Variants in SLC29A3 observed in about 807,000 individuals in gnomAD.
SLC29A3 encodes the protein solute carrier family 29 member 3.
SLC29A3 carries 18 observed loss-of-function variants against 25.4 expected under a neutral mutation model. The ratio of observed to expected loss-of-function variants is 0.71; its 90% CI spans 0.49 to 1.05. The LOEUF (loss-of-function observed/expected upper bound fraction) is 1.05, where lower values mean the gene tolerates loss of function less well. Ranked by LOEUF, SLC29A3 falls within the 50% of genes least tolerant of loss-of-function variation. SLC29A3 has a pLI of 0.00. For missense variants in SLC29A3, 586 were observed against 609.0 expected, an observed-to-expected ratio of 0.96 and a Z score of 0.40; for synonymous variants, 258 against 267.1, an observed-to-expected ratio of 0.97 and a Z score of 0.33.
rs756459745 is a variant in SLC29A3 at position 71,351,808 on chromosome 10, C to T, written c.610+20C>T. The T allele has an allele frequency of 1.9e-6, 3 of 1,588,742 alleles. No individual in the cohort carries two copies. The East Asian group carries it at 6.8e-5, about 36-fold the overall frequency. ...TATCAGGTGAGAGCCAGGGTCCGGG[C>T]AGCTGACCAGGTTCATCCACCCAGG... On this transcript the variant is annotated intron_variant, in intron 4 of 5. Coordinates refer to ENST00000373189, the MANE Select transcript of SLC29A3 (RefSeq NM_018344.6).
downstream of SLC29A3, chr10:71,364,795 C>A (rs774898083): frequency 1.3e-5 from 2 of 152,244 alleles, no homozygotes; most frequent in Non-Finnish European, 2.9e-5. Context: ...AACTCGATAC[C>A]TACCAAAAAG....
intron 2 of SLC29A3, among the ~76,000 whole-genome samples, chr10:71,343,301 A>G (rs538378025): frequency 6.6e-6 from 1 of 152,188 alleles, no homozygotes; most frequent in Admixed American, 6.5e-5. Context: ...ATTAAGAGAT[A>G]ATGCACACAT....
chr10:71,323,991 G>A (rs1332884125), intron 2 of SLC29A3, among the ~76,000 whole-genome samples: 1 of 152,152 alleles, frequency 6.6e-6, no homozygotes, highest in East Asian at 1.9e-4. Flanking sequence ...CACTTTGCTG[G>A]GTGGCTTTTC....
At chr10:71,343,750 C>T (rs1410081601) in intron 2 of SLC29A3, among the ~76,000 whole-genome samples, 1 of 152,184 alleles carries the variant, frequency 6.6e-6, no homozygotes, top group African/African-American at 2.4e-5. Context: ...GAGTTTGAGA[C>T]CAGCCTGGGC....
intron 2 of SLC29A3, among the ~76,000 whole-genome samples, chr10:71,337,150 C>T (rs1457447278): frequency 6.6e-6 from 1 of 152,204 alleles, no homozygotes; most frequent in Admixed American, 6.5e-5. Flanking sequence ...GGCATTGCCC[C>T]CCTTCCCTGC....
At chr10:71,319,437 C>G (rs1845795300) in intron 1 of SLC29A3, 127 bp downstream of exon 1, 1 of 483,218 alleles carries the variant, frequency 2.1e-6, no homozygotes, top group Non-Finnish European at 3.7e-6. Context: ...GGACCCTACC[C>G]CATCCGTGGT....
intron 3 of SLC29A3, among the ~76,000 whole-genome samples, chr10:71,370,432 T>C (rs750728852): frequency 2.6e-5 from 4 of 152,240 alleles, no homozygotes; most frequent in Non-Finnish European, 4.4e-5. Context: ...GCACCAGGCC[T>C]GTGCTGACCA....
chr10:71,362,455 CA>C lies in SLC29A3; in HGVS notation c.1277del (p.Asn426ThrfsTer27), dbSNP rs1847090758. On this transcript the variant is annotated frameshift_variant, in exon 6 of 6. Coordinates refer to ENST00000373189, the MANE Select transcript of SLC29A3 (RefSeq NM_018344.6). LOFTEE classifies it high-confidence loss of function. ...TCCTCAGCTCCCTGCTGGGGCTCAG[CA>C]ACGGCTACCTCAGCACCCTGGCCCT... ...ALLSSLLGLS[N>X]GYLSTLALLY... 1 of 1,614,110 alleles carries C rather than the reference CA, an allele frequency of 6.2e-7. No homozygotes were observed. Among genetic ancestry groups the C allele is most frequent in the African/African-American group, 1.3e-5 (1 of 74,946 alleles).
At chr10:71,348,674 C>T (rs567282228) in intron 3 of SLC29A3, among the ~76,000 whole-genome samples, 7 of 152,280 alleles carry the variant, frequency 4.6e-5, no homozygotes, top group South Asian at 2.1e-4. Context: ...ATAGATGCTC[C>T]GGGCCGCCAA....
chr10:71,372,478 G>T (rs1211184292), intron 3 of SLC29A3, among the ~76,000 whole-genome samples: 1 of 152,188 alleles, frequency 6.6e-6, no homozygotes, highest in African/African-American at 2.4e-5. Context: ...CACTCCCAGA[G>T]TCCCTGATTC....
chr10:71,341,226 TTGGTGGCAG>T (rs147130339), intron 2 of SLC29A3, among the ~76,000 whole-genome samples: 5,133 of 152,140 alleles, frequency 0.034, 274 homozygotes, highest in African/African-American at 0.11. Flanking sequence ...AGCTCCTCCT[TTGGTGGCAG>T]TGGTGGCAGC....
intron 2 of SLC29A3, among the ~76,000 whole-genome samples, chr10:71,334,588 A>G (rs758052995): frequency 2.0e-5 from 3 of 152,228 alleles, no homozygotes; most frequent in Non-Finnish European, 2.9e-5. Flanking sequence ...CATGTCTACA[A>G]CATCTAGCGA....
chr10:71,369,612 C>T (rs1188967406), intron 3 of SLC29A3, among the ~76,000 whole-genome samples: 1 of 152,166 alleles, frequency 6.6e-6, no homozygotes, highest in Non-Finnish European at 1.5e-5. Flanking sequence ...AACAATCCAA[C>T]CTGGGCTCTG....
chr10:71,337,813 C>G (rs1032247747), intron 2 of SLC29A3, among the ~76,000 whole-genome samples: 2 of 152,344 alleles, frequency 1.3e-5, no homozygotes, highest in East Asian at 3.9e-4. Context: ...ACCCTTAGCA[C>G]GGAGCCTCTC....
At chr10:71,349,872 G>A (rs1846704995) in intron 3 of SLC29A3, among the ~76,000 whole-genome samples, 1 of 152,162 alleles carries the variant, frequency 6.6e-6, no homozygotes, top group Admixed American at 6.5e-5. Flanking sequence ...GGCCTTCCAC[G>A]ATGCCCAGGG....
intron 2 of SLC29A3, among the ~76,000 whole-genome samples, chr10:71,343,551 A>C (rs1846471040): frequency 6.6e-6 from 1 of 152,222 alleles, no homozygotes; most frequent in African/African-American, 2.4e-5. Context: ...TGCTCTATCA[A>C]GAGAGAAAAT....
downstream of SLC29A3, among the ~76,000 whole-genome samples, chr10:71,363,951 A>G (rs1217554532): frequency 6.6e-6 from 1 of 151,796 alleles, no homozygotes; most frequent in Non-Finnish European, 1.5e-5. Flanking sequence ...TCTATCTAAA[A>G]ACTAGTAATA....
intron 1 of SLC29A3, among the ~76,000 whole-genome samples, chr10:71,320,919 C>T (rs1294250924): frequency 3.3e-5 from 5 of 152,188 alleles, no homozygotes; most frequent in African/African-American, 7.2e-5. Flanking sequence ...CCCCGGTGTG[C>T]TGAGGAGTCC....
At chr10:71,354,344 T>G (rs1211985778) in intron 4 of SLC29A3, among the ~76,000 whole-genome samples, 1 of 152,136 alleles carries the variant, frequency 6.6e-6, no homozygotes, top group Non-Finnish European at 1.5e-5. Context: ...TAGAGCCAGG[T>G]TTGGACTCGG....
Sources: allele counts gnomAD v4.1 joint callset (sites outside exome capture counted in the v4.1 genomes callset), GRCh38; gene constraint gnomAD v4.1.1; transcripts MANE v1.5; gene names NCBI Gene and HGNC (gene_info 2026-07-23, HGNC 2026-07-21).